The following RASGRF2 variants were observed in gnomAD, a reference collection of about 807,000 sequenced individuals.
The protein encoded by RASGRF2 is Ras protein specific guanine nucleotide releasing factor 2, also known as ras-specific guanine nucleotide-releasing factor 2.
RASGRF2 carries 76 observed loss-of-function variants against 151.0 expected under a neutral mutation model. The observed-to-expected ratio is 0.50, with a 90% CI of 0.42 to 0.61. The LOEUF (loss-of-function observed/expected upper bound fraction) is 0.61, where lower values mean the gene tolerates loss of function less well. Ranked by LOEUF, RASGRF2 falls within the 20% of genes least tolerant of loss-of-function variation. The pLI is 0.00. For synonymous variants in RASGRF2, 504 were observed against 566.5 expected (o/e 0.89, Z 1.57); for missense variants, 1,148 against 1,564.6 (o/e 0.73, Z 4.49).
chr5:81,044,853 C>A (rs1327938433), intron 2 of RASGRF2, among the ~76,000 whole-genome samples: 2 of 149,604 alleles, frequency 1.3e-5, no homozygotes, highest in African/African-American at 4.9e-5. Context: ...TTTTTTTTTT[C>A]TTTTCCTCAT....
At chr5:81,049,315 T>C (rs1215831338) in intron 2 of RASGRF2, among the ~76,000 whole-genome samples, 1 of 152,198 alleles carries the variant, frequency 6.6e-6, no homozygotes, top group Non-Finnish European at 1.5e-5. Context: ...TCTGTATATT[T>C]GCATATGGAT....
At chr5:81,094,440 T>A in intron 11 of RASGRF2, 78 bp downstream of exon 11, 3 of 1,341,570 alleles carry the variant, frequency 2.2e-6, no homozygotes, top group Non-Finnish European at 3.1e-6. Context: ...CTCCCTAAAG[T>A]CATTTATGTA....
Position 81,120,016 on chromosome 5 carries a change from C to T in RASGRF2, c.2471-3626C>T, listed in dbSNP as rs142825207. Among the ~76,000 whole-genome samples, 400 of 152,088 alleles carry T rather than the reference C, an allele frequency of 2.6e-3. 2 individuals carry two copies. Among genetic ancestry groups the T allele is most frequent in the Admixed American group, 6.2e-3 (94 of 15,268 alleles). On this transcript the variant is annotated intron_variant, in intron 15 of 26. Transcript: ENST00000265080. ...GGGGCCCATGGCACTTGGTGAAGCCCGTAGAGCCAACCTTTACTCCAGAGC... is the reference window on the plus strand; with the variant it reads ...GGGGCCCATGGCACTTGGTGAAGCCTGTAGAGCCAACCTTTACTCCAGAGC...
intron 1 of RASGRF2, among the ~76,000 whole-genome samples, chr5:81,025,820 A>C (rs538433151): frequency 6.6e-6 from 1 of 152,192 alleles, no homozygotes; most frequent in Non-Finnish European, 1.5e-5. Flanking sequence ...AGGATCTCCA[A>C]AGTCTTTTGC....
chr5:81,187,370 T>G (rs1451284107), intron 18 of RASGRF2, among the ~76,000 whole-genome samples: 1 of 152,178 alleles, frequency 6.6e-6, no homozygotes, highest in Admixed American at 6.5e-5. Context: ...ACAGCACAGT[T>G]CTAGACCACT....
At chr5:81,147,131 G>A (rs1754025106) in intron 17 of RASGRF2, among the ~76,000 whole-genome samples, 1 of 152,174 alleles carries the variant, frequency 6.6e-6, no homozygotes, top group African/African-American at 2.4e-5. Flanking sequence ...ATCAGCCAAT[G>A]TTGTTAAACT....
At position 81,112,754 on chromosome 5, in the gene RASGRF2, C is replaced by T. The variant is rs1366984875; in HGVS notation, c.1983C>T (p.Phe661=). 1 of 1,614,234 alleles carries T rather than the reference C, an allele frequency of 6.2e-7. No individual in the cohort carries two copies. Among genetic ancestry groups the T allele is most frequent in the East Asian group, 2.2e-5 (1 of 44,888 alleles). Residue 661 remains phenylalanine (F), a synonymous_variant, in exon 14 of 27, where the codon TTC becomes TTT. Transcript: ENST00000265080. ...ACTTGCGGTTTCTTAGTATTGATTTCCTCAACACCTTTCTGCACACCTATC... is the reference window on the plus strand; with the variant it reads ...ACTTGCGGTTTCTTAGTATTGATTTTCTCAACACCTTTCTGCACACCTATC... ...LTDLRFLSID[F]LNTFLHTYRI...
intron 1 of RASGRF2, among the ~76,000 whole-genome samples, chr5:80,988,496 G>A (rs1003858675): frequency 6.6e-6 from 1 of 152,196 alleles, no homozygotes; most frequent in Admixed American, 6.5e-5. Context: ...ATTGTTATGT[G>A]TTTAAAGTCT....
chr5:81,140,573 G>T (rs1753861900), intron 17 of RASGRF2, among the ~76,000 whole-genome samples: 1 of 152,130 alleles, frequency 6.6e-6, no homozygotes, highest in Admixed American at 6.5e-5. Context: ...TGGCAGGTGG[G>T]CTTTGCATTC....
At position 81,036,702 on chromosome 5, in the gene RASGRF2, A is replaced by G. The variant is rs567120391; in HGVS notation, c.289-6175A>G. 3.9e-5 allele frequency among the ~76,000 whole-genome samples: 6 copies of G among 152,108 alleles called. No individual in the cohort carries two copies. In the South Asian group the frequency reaches 1.2e-3, roughly 32 times the overall value. On this transcript the variant is annotated intron_variant, in intron 1 of 26. Transcript: ENST00000265080. ...TTTAATCCCTAGTGGCTTCCTTTCT[A>G]GATACTCCCATCTTGTCCAAATTGA...
intron 1 of RASGRF2, among the ~76,000 whole-genome samples, chr5:81,002,417 G>C (rs1749109939): frequency 6.6e-6 from 1 of 152,152 alleles, no homozygotes; most frequent in Non-Finnish European, 1.5e-5. Context: ...AACGAATAAT[G>C]ATGAGGGATG....
chr5:81,028,655 T>G (rs1750124186), intron 1 of RASGRF2, among the ~76,000 whole-genome samples: 1 of 152,106 alleles, frequency 6.6e-6, no homozygotes, highest in South Asian at 2.1e-4. Context: ...AATAAAAAAT[T>G]TGCTATTAAA....
intron 1 of RASGRF2, among the ~76,000 whole-genome samples, chr5:80,970,060 G>A (rs530443196): frequency 1.3e-5 from 2 of 148,664 alleles, no homozygotes; most frequent in Non-Finnish European, 3.0e-5. Flanking sequence ...CCTAACCTCA[G>A]GTGATCTGCC....
intron 6 of RASGRF2, 52 bp downstream of exon 6, chr5:81,080,252 A>G (rs752956740): frequency 2.5e-5 from 39 of 1,572,014 alleles, no homozygotes; most frequent in Non-Finnish European, 3.3e-5. Context: ...GGCTGCAATT[A>G]GAGTAAAATA....
intron 17 of RASGRF2, among the ~76,000 whole-genome samples, chr5:81,146,556 A>G (rs1754011130): frequency 1.3e-5 from 2 of 152,088 alleles, no homozygotes. Flanking sequence ...CTATATACTT[A>G]TTTTGTGATT....
intron 1 of RASGRF2, among the ~76,000 whole-genome samples, chr5:81,015,350 C>T (rs1197646572): frequency 6.6e-6 from 1 of 152,048 alleles, no homozygotes; most frequent in Admixed American, 6.6e-5. Context: ...ACACTGTCTT[C>T]TGCAGTGGTT....
intron 1 of RASGRF2, among the ~76,000 whole-genome samples, chr5:80,967,155 G>A (rs1327294521): frequency 3.3e-5 from 5 of 152,164 alleles, no homozygotes; most frequent in Non-Finnish European, 7.4e-5. Flanking sequence ...TTGGGAGGTC[G>A]AGGCAGGTGG....
chr5:80,972,882 C>T (rs1016704978), intron 1 of RASGRF2, among the ~76,000 whole-genome samples: 1 of 152,124 alleles, frequency 6.6e-6, no homozygotes, highest in Non-Finnish European at 1.5e-5. Context: ...ATATGACCTA[C>T]CATTTCTGTA....
intron 1 of RASGRF2, among the ~76,000 whole-genome samples, chr5:81,001,602 A>G (rs1220493382): frequency 6.6e-6 from 1 of 152,142 alleles, no homozygotes; most frequent in Non-Finnish European, 1.5e-5. Context: ...TTCCTGGGCT[A>G]TTGAAAGGAT....
Sources: allele counts gnomAD v4.1 joint callset (sites outside exome capture counted in the v4.1 genomes callset), GRCh38; gene constraint gnomAD v4.1.1; transcripts MANE v1.5; gene names NCBI Gene and HGNC (gene_info 2026-07-23, HGNC 2026-07-21).